KCTD15: variants seen among roughly 807,000 people sequenced by gnomAD.
KCTD15 encodes the protein potassium channel tetramerization domain containing 15, also known as BTB/POZ domain-containing protein KCTD15.
In KCTD15, 11 loss-of-function variants were observed where a neutral mutation model predicts 27.2. The ratio of observed to expected loss-of-function variants is 0.41; its 90% CI spans 0.25 to 0.67. The LOEUF is 0.67. Ranked by LOEUF, KCTD15 falls within the 30% of genes least tolerant of loss-of-function variation. The pLI is 0.35. For missense variants in KCTD15, 350 were observed against 409.3 expected (o/e 0.86, Z 1.25); for synonymous variants, 163 against 176.0 (o/e 0.93, Z 0.58).
intron 3 of KCTD15, 31 bp from the exon 4 acceptor site, chr19:33,801,136 C>T (rs1374094739): frequency 1.9e-6 from 3 of 1,556,016 alleles, no homozygotes; most frequent in African/African-American, 2.7e-5. Flanking sequence ...CGCTTTGAAA[C>T]TCTTGTGTTC....
intron 5 of KCTD15, among the ~76,000 whole-genome samples, chr19:33,807,415 C>A (rs1975747710): frequency 6.6e-6 from 1 of 151,708 alleles, no homozygotes; most frequent in African/African-American, 2.4e-5. Flanking sequence ...TGATGAAACC[C>A]CATCTCTACT....
intron 2 of KCTD15, 90 bp from the exon 3 acceptor site, chr19:33,800,338 T>G: frequency 1.9e-6 from 2 of 1,058,530 alleles, no homozygotes; most frequent in Non-Finnish European, 2.8e-6. Flanking sequence ...TCAGAGAGCA[T>G]GCAGAAAGGA....
Position 33,800,517 on chromosome 19 carries a change from C to T in KCTD15, c.63C>T (p.Thr21=), listed in dbSNP as rs149613370. 5.3e-5 allele frequency: 85 copies of T among 1,592,612 alleles called. 1 individual carries two copies. In the South Asian group the frequency reaches 7.9e-4, roughly 15 times the overall value. ...TTCACACACACGGCAGCACCGGCAC[C>T]GCGGTGAGCCTGCAGGGTGGGCTGG... The part of the protein sequence containing the change: ...SSLHTHGSTG[T]AEGGNMSRLS... The change falls in exon 3 of 7, where the codon ACC becomes ACT. Residue 21 remains threonine, a synonymous_variant. Transcript: ENST00000683859.
chr19:33,812,476 A>G (rs1975956725), intron 6 of KCTD15: 2 of 1,167,446 alleles, frequency 1.7e-6, no homozygotes, highest in African/African-American at 1.6e-5. Flanking sequence ...ACCCTACAGA[A>G]TAAAGAAGGG....
chr19:33,811,233 G>A lies in KCTD15; in HGVS notation c.388-14G>A. On this transcript the variant is annotated splice_polypyrimidine_tract_variant and intron_variant, in intron 5 of 6. Transcript: ENST00000683859. The stretch of plus-strand genomic sequence containing the variant: ...TCCGACACCCACATCAACACCCTGT[G>A]CGCCTGTCCCCAGGACTTCAGTCTG... 3.5e-6 allele frequency: 5 copies of A among 1,430,510 alleles called. No homozygotes were observed. The highest frequency in any genetic ancestry group is 4.6e-6 in the Non-Finnish European group (5 of 1,082,494). 88.6% of individuals were successfully genotyped at this position (1,430,510 alleles called of 1,614,324 possible).
chr19:33,807,008 G>GT lies in KCTD15; in HGVS notation c.387+2dup, dbSNP rs1303886912. 6.2e-7 allele frequency: 1 copy of GT among 1,613,790 alleles called. No homozygotes were observed. The highest frequency in any genetic ancestry group is 8.5e-7 in the Non-Finnish European group (1 of 1,179,860). On this transcript the variant is annotated splice_donor_variant, in intron 5 of 6. Coordinates refer to ENST00000683859, the MANE Select transcript of KCTD15 (RefSeq NM_001129994.2). LOFTEE classifies it high-confidence loss of function. ...GCTGCTGCTTCCGGATGACTTTAAGGTAAGTCCATGGCTGGTGGCCCCCCT... is the reference window on the plus strand; with the variant it reads ...GCTGCTGCTTCCGGATGACTTTAAGGTTAAGTCCATGGCTGGTGGCCCCCCT...
rs1000638699 is a variant in KCTD15 at position 33,812,873 on chromosome 19, T to C, written c.777T>C (p.Tyr259=). The change falls in exon 7 of 7, where the codon TAT becomes TAC. Residue 259 remains tyrosine (Y), a synonymous_variant. Coordinates refer to ENST00000683859, the MANE Select transcript of KCTD15 (RefSeq NM_001129994.2). ...GGVDSSQFSE[Y]VLCREERRPQ... is the part of the protein sequence containing the mutation. The stretch of plus-strand genomic sequence containing the variant: ...TGGACTCCTCCCAGTTCAGCGAGTA[T>C]GTGCTTTGCCGGGAGGAGCGGCGGC... 2 of 1,549,790 alleles carry C rather than the reference T, an allele frequency of 1.3e-6. No homozygotes were observed. The highest frequency in any genetic ancestry group is 2.7e-5 in the African/African-American group (2 of 72,996).
At chr19:33,807,783 T>C (rs1307516968) in intron 5 of KCTD15, among the ~76,000 whole-genome samples, 1 of 151,378 alleles carries the variant, frequency 6.6e-6, no homozygotes, top group East Asian at 1.9e-4. Context: ...AAAAGAAAAA[T>C]GCAAAAATTA....
In KCTD15 at chr19:33,806,957, G is replaced by A. The variant is rs199530630; in HGVS notation, c.337G>A (p.Val113Ile). The A allele has an allele frequency of 4.8e-5, 78 of 1,614,184 alleles. No homozygotes were observed. In the African/African-American group the frequency reaches 6.9e-4, roughly 14 times the overall value. Residue 113 changes from valine to isoleucine, a missense_variant, in exon 5 of 7, where the codon GTC (valine) becomes ATC (isoleucine). Around this residue, in one of 3 missense-constraint regions of KCTD15, gnomAD observed 54 missense variants for 101.8 expected, o/e 0.53. Coordinates refer to ENST00000683859, the MANE Select transcript of KCTD15 (RefSeq NM_001129994.2). ...CCGGGATGGGGAGATTTTCCGCTAC[G>A]TCCTGAGCTTCCTGCGGACGTCCAA... ...IDRDGEIFRY[V>I]LSFLRTSKLL...
At chr19:33,801,437 T>C in intron 4 of KCTD15, 95 bp downstream of exon 4, 12 of 1,123,632 alleles carry the variant, frequency 1.1e-5, no homozygotes, top group Non-Finnish European at 1.4e-5. Context: ...CCACTGTCAC[T>C]CCACCCACCA....
At chr19:33,801,596 A>G in intron 4 of KCTD15, 1 of 392,048 alleles carries the variant, frequency 2.6e-6, no homozygotes, top group Non-Finnish European at 4.5e-6. Flanking sequence ...ACCCACCTGC[A>G]GGGGACTAGG....
At chr19:33,811,193 C>CAAA in intron 5 of KCTD15, 54 bp from the exon 6 acceptor site, 2 of 1,195,200 alleles carry the variant, frequency 1.7e-6, no homozygotes, top group Non-Finnish European at 2.3e-6. Flanking sequence ...CTCCCCCTTC[C>CAAA]CCCACCACCC....
intron 4 of KCTD15, 142 bp downstream of exon 4, chr19:33,801,484 G>A (rs1426851794): frequency 1.4e-6 from 1 of 692,084 alleles, no homozygotes; most frequent in East Asian, 3.0e-5. Flanking sequence ...CAGCCTGAGG[G>A]AGCTAGGGTT....
upstream of KCTD15, among the ~76,000 whole-genome samples, chr19:33,794,406 AAC>A (rs1368817263): frequency 1.1e-4 from 17 of 152,284 alleles, no homozygotes; most frequent in African/African-American, 3.9e-4. Context: ...GGCTTCCTAA[AAC>A]AGTTTCGCTT....
At chr19:33,804,372 G>A (rs1975651511) in intron 4 of KCTD15, among the ~76,000 whole-genome samples, 1 of 152,216 alleles carries the variant, frequency 6.6e-6, no homozygotes, top group South Asian at 2.1e-4. Flanking sequence ...TGCATCAGGA[G>A]TCTTCTAGAC....
chr19:33,811,979 A>G (rs1975940487), intron 6 of KCTD15: 1 of 1,491,166 alleles, frequency 6.7e-7, no homozygotes, highest in Admixed American at 2.6e-5. Flanking sequence ...ACCAGCTGCC[A>G]AGAGAATCCC....
chr19:33,795,325 C>T (rs1190935971), upstream of KCTD15, among the ~76,000 whole-genome samples: 1 of 152,216 alleles, frequency 6.6e-6, no homozygotes, highest in Admixed American at 6.5e-5. Context: ...TGTCTGGACG[C>T]TCTCTCCACG....
intron 2 of KCTD15, 108 bp from the exon 3 acceptor site, chr19:33,800,320 G>A (rs574226358): frequency 4.2e-5 from 37 of 874,852 alleles, no homozygotes; most frequent in African/African-American, 3.6e-4. Flanking sequence ...CATGGACCTC[G>A]CAGGGTCTCA....
At chr19:33,801,559 C>A in intron 4 of KCTD15, 1 of 447,692 alleles carries the variant, frequency 2.2e-6, no homozygotes, top group Non-Finnish European at 3.9e-6. Flanking sequence ...GACTTGGCGG[C>A]ATTGGTAGTG....
Sources: gnomAD v4.1 joint callset for allele counts (sites outside exome capture counted in the v4.1 genomes callset) on GRCh38, gnomAD v4.1.1 for gene constraint, gnomAD v4.1.1 regional missense constraint, MANE v1.5 for transcripts, NCBI Gene and HGNC (gene_info 2026-07-23, HGNC 2026-07-21) for gene names.